ZSCAN25: variants seen among roughly 807,000 people sequenced by gnomAD.
ZSCAN25 encodes zinc finger and SCAN domain-containing protein 25.
ZSCAN25 carries 27 observed loss-of-function variants against 38.7 expected under a neutral mutation model. That is an observed-to-expected ratio of 0.70 (90% CI 0.51 to 0.96). The LOEUF is 0.96. Among genes scored for constraint, ZSCAN25 ranks in the 40% least tolerant of loss-of-function variants. The pLI, the probability that ZSCAN25 is intolerant of heterozygous loss-of-function variation, is 0.00. For missense variants in ZSCAN25, 637 were observed against 705.9 expected (o/e 0.90, Z 1.11); for synonymous variants, 273 against 277.7 (o/e 0.98, Z 0.17).
chr7:99,685,471 G>A, the ZSCAN25 span, among the ~76,000 whole-genome samples: 2 of 152,226 alleles, frequency 1.3e-5, no homozygotes, highest in Non-Finnish European at 2.9e-5. Context: ...TAACAAGGGT[G>A]ACACCACACC....
At chr7:99,711,572 C>T in the ZSCAN25 span, among the ~76,000 whole-genome samples, 5 of 152,276 alleles carry the variant, frequency 3.3e-5, no homozygotes, top group South Asian at 1.0e-3. Flanking sequence ...AGTTCAAGAC[C>T]AGCCTAACCA....
chr7:99,627,242 T>C (rs1807554764), intron 7 of ZSCAN25, among the ~76,000 whole-genome samples: 1 of 152,244 alleles, frequency 6.6e-6, no homozygotes, highest in South Asian at 2.1e-4. Flanking sequence ...AGTAGCATAA[T>C]TTCATCTAAG....
chr7:99,647,469 A>C, the ZSCAN25 span: 1 of 984,736 alleles, frequency 1.0e-6, no homozygotes, highest in Non-Finnish European at 1.2e-6. Flanking sequence ...TTTTTTATTC[A>C]GTGTTCATTG....
the ZSCAN25 span, among the ~76,000 whole-genome samples, chr7:99,682,972 C>G: frequency 6.6e-6 from 1 of 152,256 alleles, no homozygotes; most frequent in South Asian, 2.1e-4. Context: ...TTGTATCCAG[C>G]AACATTACTG....
At chr7:99,714,664 G>A in the ZSCAN25 span, 1 of 1,607,876 alleles carries the variant, frequency 6.2e-7, no homozygotes, top group Non-Finnish European at 8.5e-7. Flanking sequence ...AAGAATTGGG[G>A]TAAGGAATGG....
the ZSCAN25 span, among the ~76,000 whole-genome samples, chr7:99,647,017 C>G: frequency 6.6e-6 from 1 of 152,158 alleles, no homozygotes; most frequent in Admixed American, 6.5e-5. Flanking sequence ...CTTTCTGAAT[C>G]TATGACTCTT....
chr7:99,630,110 T>A lies in ZSCAN25; in HGVS notation c.*90T>A, dbSNP rs1807877926. The A allele has an allele frequency of 4.2e-6, 6 of 1,436,914 alleles. No homozygotes were observed. The East Asian group carries it at 1.5e-4, about 36-fold the overall frequency. 89.0% of individuals were successfully genotyped at this position (1,436,914 alleles called of 1,614,324 possible). A position where few individuals can be genotyped will look rare whatever the true frequency, so the allele number is the denominator to read the frequency against. On this transcript the variant is annotated 3_prime_UTR_variant, in exon 8 of 8. Transcript: ENST00000394152. ...GGTGATGGCTGCAGGAAAGCACTGGTCCCATCGCCTTCCCACCCATTCGCC... is the reference window on the plus strand; with the variant it reads ...GGTGATGGCTGCAGGAAAGCACTGGACCCATCGCCTTCCCACCCATTCGCC...
chr7:99,699,711 A>G, the ZSCAN25 span, among the ~76,000 whole-genome samples: 4 of 152,246 alleles, frequency 2.6e-5, no homozygotes, highest in African/African-American at 9.6e-5. Context: ...AGCTAATCAA[A>G]TCATTCCCAC....
chr7:99,713,493 A>T, the ZSCAN25 span: 3 of 1,613,466 alleles, frequency 1.9e-6, no homozygotes, highest in Non-Finnish European at 2.5e-6. Flanking sequence ...GAGTCTTTTG[A>T]ATTCTGAGAG....
At chr7:99,664,683 C>T in the ZSCAN25 span, among the ~76,000 whole-genome samples, 8 of 152,060 alleles carry the variant, frequency 5.3e-5, no homozygotes, top group East Asian at 7.7e-4. Flanking sequence ...AACCAGTGCT[C>T]AGAGGGAAAT....
Position 99,620,016 on chromosome 7 carries a change from T to G in ZSCAN25, c.387+23T>G, listed in dbSNP as rs1204670829. ...GCGGTGGGTGAGGAGGGGATCCAGG[T>G]CTGGCGCCCTTGGCGTGGGCAGGGA... On this transcript the variant is annotated intron_variant, in intron 4 of 7. Coordinates refer to ENST00000394152, the MANE Select transcript of ZSCAN25 (RefSeq NM_145115.3). 5 of 1,594,674 alleles carry G rather than the reference T, an allele frequency of 3.1e-6. No individual in the cohort carries two copies. In the Admixed American group the frequency reaches 5.2e-5, roughly 17 times the overall value.
At chr7:99,663,919 A>G in the ZSCAN25 span, 1 of 1,546,446 alleles carries the variant, frequency 6.5e-7, no homozygotes, top group Non-Finnish European at 8.6e-7. Flanking sequence ...TATAAAATCT[A>G]AATTTATCAA....
chr7:99,619,865 C>G lies in ZSCAN25; in HGVS notation c.259C>G (p.Leu87Val). 1 of 1,614,236 alleles carries G rather than the reference C, an allele frequency of 6.2e-7. No homozygotes were observed. Reference sequence around the variant, plus strand: ...GGAGCAGATCCTGGAGCTGCTGGTGCTGGAGCAGTTCCTCACTATCCTGCC... The same window carrying G: ...GGAGCAGATCCTGGAGCTGCTGGTGGTGGAGCAGTTCCTCACTATCCTGCC... ...TKEQILELLV[L>V]EQFLTILPRE... Residue 87 changes from leucine (L) to valine (V), a missense_variant, in exon 4 of 8, where the codon CTG becomes GTG. Transcript: ENST00000394152.
At chr7:99,686,170 G>T in the ZSCAN25 span, among the ~76,000 whole-genome samples, 2 of 152,186 alleles carry the variant, frequency 1.3e-5, no homozygotes. Flanking sequence ...AGGACAGTGG[G>T]TGCAGCGTGC....
the ZSCAN25 span, chr7:99,674,485 C>T: frequency 2.0e-6 from 3 of 1,505,798 alleles, no homozygotes; most frequent in South Asian, 1.1e-5. Context: ...GTGGGGTAAC[C>T]TCCTCACAGT....
the ZSCAN25 span, among the ~76,000 whole-genome samples, chr7:99,646,204 T>G: frequency 1.3e-5 from 2 of 152,248 alleles, no homozygotes; most frequent in Admixed American, 1.3e-4. Context: ...GCTTTGGGTA[T>G]TGTGGGCATT....
chr7:99,640,144 C>G, the ZSCAN25 span, among the ~76,000 whole-genome samples: 4 of 152,176 alleles, frequency 2.6e-5, no homozygotes, highest in African/African-American at 9.7e-5. Flanking sequence ...TCTTCCCACC[C>G]TCAAAATCTA....
the ZSCAN25 span, chr7:99,731,000 GGAACTA>G: frequency 1.4e-4 from 217 of 1,595,960 alleles, 2 homozygotes; most frequent in Non-Finnish European, 1.6e-4. Flanking sequence ...TTTTACTGAT[GGAACTA>G]AGTTGCTCTT....
the ZSCAN25 span, among the ~76,000 whole-genome samples, chr7:99,699,156 T>A: frequency 6.6e-6 from 1 of 152,346 alleles, no homozygotes; most frequent in South Asian, 2.1e-4. Context: ...TCCTGCCTTT[T>A]CAGGCTGCTA....
Sources: allele counts gnomAD v4.1 joint callset (sites outside exome capture counted in the v4.1 genomes callset), GRCh38; gene constraint gnomAD v4.1.1; transcripts MANE v1.5; gene names NCBI Gene and HGNC (gene_info 2026-07-23, HGNC 2026-07-21).